The following MTUS2 variants were observed in gnomAD, a reference collection of about 807,000 sequenced individuals.
MTUS2 encodes microtubule associated scaffold protein 2.
A neutral mutation model predicts 114.1 loss-of-function variants in MTUS2; 40 were observed. The ratio of observed to expected loss-of-function variants is 0.35; its 90% CI spans 0.27 to 0.46. The LOEUF is 0.46. Ranked by LOEUF, MTUS2 falls within the 20% of genes least tolerant of loss-of-function variation. The pLI, the probability that MTUS2 is intolerant of heterozygous loss-of-function variation, is 1.00. For synonymous variants in MTUS2, 688 were observed against 672.0 expected, an observed-to-expected ratio of 1.02 and a Z score of -0.37; for missense variants, 1,679 against 1,705.4, an observed-to-expected ratio of 0.98 and a Z score of 0.27.
intron 2 of MTUS2, among the ~76,000 whole-genome samples, chr13:29,022,465 C>T (rs1886332636): frequency 6.6e-6 from 1 of 152,224 alleles, no homozygotes; most frequent in Non-Finnish European, 1.5e-5. Flanking sequence ...GTTGGGATTA[C>T]AGGTGTGAGC....
chr13:29,336,336 C>T (rs1901061685), intron 7 of MTUS2, among the ~76,000 whole-genome samples: 1 of 152,166 alleles, frequency 6.6e-6, no homozygotes, highest in Admixed American at 6.5e-5. Context: ...GTGTGGACGT[C>T]CTTTTTGTTG....
intron 2 of MTUS2, among the ~76,000 whole-genome samples, chr13:28,847,970 C>T (rs1217443952): frequency 6.6e-6 from 1 of 152,184 alleles, no homozygotes; most frequent in Admixed American, 6.5e-5. Flanking sequence ...CAGGCTCAGC[C>T]CTCCTGTCAT....
rs1879924679 is a variant in MTUS2, at chr13:29,466,874, C to T, written c.3185-13276C>T. Among the ~76,000 whole-genome samples, 7 of 80,902 alleles carry T rather than the reference C, an allele frequency of 8.7e-5. No homozygotes were observed. The South Asian group carries it at 3.9e-3, about 45-fold the overall frequency. The allele number at this position is 80,902 out of a possible 152,430, so 53.1% of individuals were successfully genotyped here. ...CCTCAGTGACAAAGTGAGACCTCAT[C>T]TCAAAAAAAAAAAAAAAAAAAAGAA... On this transcript the variant is annotated intron_variant, in intron 9 of 15. Coordinates refer to ENST00000612955, the MANE Select transcript of MTUS2 (RefSeq NM_001033602.4).
At chr13:29,128,678 T>G (rs977380077) in intron 5 of MTUS2, among the ~76,000 whole-genome samples, 1 of 152,204 alleles carries the variant, frequency 6.6e-6, no homozygotes, top group Admixed American at 6.5e-5. Context: ...TTTTAGTTTT[T>G]TTCTTTATCT....
chr13:28,887,799 C>T (rs1424342681), intron 2 of MTUS2, among the ~76,000 whole-genome samples: 1 of 152,118 alleles, frequency 6.6e-6, no homozygotes, highest in Non-Finnish European at 1.5e-5. Context: ...TCATCTCTTC[C>T]CTTGATCTCA....
intron 9 of MTUS2, among the ~76,000 whole-genome samples, chr13:29,470,782 C>T (rs1252917642): frequency 6.6e-6 from 1 of 152,158 alleles, no homozygotes; most frequent in Admixed American, 6.5e-5. Flanking sequence ...GCACTCAGGC[C>T]CCACTGGTTG....
intron 5 of MTUS2, among the ~76,000 whole-genome samples, chr13:29,231,082 C>CAGTTCA (rs1368250852): frequency 6.6e-6 from 1 of 152,206 alleles, no homozygotes; most frequent in Non-Finnish European, 1.5e-5. Flanking sequence ...AAGCCCCAAG[C>CAGTTCA]AGTTCAAACC....
chr13:28,896,881 C>T (rs1478304860), intron 2 of MTUS2, among the ~76,000 whole-genome samples: 1 of 152,204 alleles, frequency 6.6e-6, no homozygotes, highest in East Asian at 1.9e-4. Context: ...CCCTTCCTTA[C>T]ACCTTATACA....
intron 5 of MTUS2, among the ~76,000 whole-genome samples, chr13:29,121,655 CACTTTTTT>C: frequency 6.7e-6 from 1 of 149,080 alleles, no homozygotes; most frequent in South Asian, 2.1e-4. Flanking sequence ...TTCACTTTTT[CACTTTTTT>C]TTTTTTTTTT....
At position 29,088,808 on chromosome 13, in the gene MTUS2, T is replaced by A. The variant is rs1889812878; in HGVS notation, c.2447-11965T>A. Among the ~76,000 whole-genome samples the A allele has an allele frequency of 3.9e-5, 6 of 152,210 alleles. No individual in the cohort carries two copies. The South Asian group carries it at 1.2e-3, about 32-fold the overall frequency. ...CAACCCCTGTTCTTTTTGTTTTCTG[T>A]TTGTTTCATACATTTTTCTCCATCT... On this transcript the variant is annotated intron_variant, in intron 4 of 15. Transcript: ENST00000612955.
chr13:28,906,465 C>T (rs1023984434), intron 2 of MTUS2, among the ~76,000 whole-genome samples: 2 of 151,178 alleles, frequency 1.3e-5, no homozygotes. Flanking sequence ...TCTTTGTTCT[C>T]GTTAGTTTCA....
At chr13:29,446,633 C>A (rs1252689203) in intron 9 of MTUS2, among the ~76,000 whole-genome samples, 1 of 152,124 alleles carries the variant, frequency 6.6e-6, no homozygotes, top group Non-Finnish European at 1.5e-5. Context: ...GGAATATATT[C>A]TCAAAAGCAC....
At chr13:29,261,405 A>G (rs906188176) in intron 5 of MTUS2, among the ~76,000 whole-genome samples, 4 of 152,230 alleles carry the variant, frequency 2.6e-5, no homozygotes, top group South Asian at 2.1e-4. Flanking sequence ...CCCCTTTTCA[A>G]CATTTGACTT....
chr13:29,044,107 T>C (rs1417810705), intron 4 of MTUS2, among the ~76,000 whole-genome samples: 2 of 152,144 alleles, frequency 1.3e-5, no homozygotes, highest in East Asian at 3.8e-4. Context: ...CTTTTTCTTC[T>C]GCCTGAAGGA....
intron 4 of MTUS2, among the ~76,000 whole-genome samples, chr13:29,043,786 T>TAAC (rs5802503): frequency 6.6e-6 from 1 of 151,686 alleles, no homozygotes. Flanking sequence ...TAAAGTCTGA[T>TAAC]AGACTTTATA....
chr13:29,485,951 T>A (rs1881586038), intron 10 of MTUS2, among the ~76,000 whole-genome samples: 1 of 152,196 alleles, frequency 6.6e-6, no homozygotes, highest in Non-Finnish European at 1.5e-5. Flanking sequence ...AGCGGGGGCC[T>A]GTGTTTTTAC....
At chr13:29,391,988 G>T (rs1364258205) in intron 8 of MTUS2, among the ~76,000 whole-genome samples, 2 of 151,842 alleles carry the variant, frequency 1.3e-5, no homozygotes, top group East Asian at 1.9e-4. Flanking sequence ...AATTAGCCAG[G>T]TGTGGTGGCA....
At chr13:29,032,925 TTTA>T (rs1429804492) in intron 3 of MTUS2, among the ~76,000 whole-genome samples, 1 of 152,180 alleles carries the variant, frequency 6.6e-6, no homozygotes, top group Non-Finnish European at 1.5e-5. Context: ...AAAGGAATAG[TTTA>T]TTTAGTTCTC....
intron 2 of MTUS2, among the ~76,000 whole-genome samples, chr13:28,983,540 A>C (rs143295641): frequency 1.7e-3 from 259 of 152,378 alleles, no homozygotes; most frequent in African/African-American, 6.0e-3. Flanking sequence ...TGTATTATTA[A>C]AATTAATCTC....
Sources: gnomAD v4.1 joint callset for allele counts (sites outside exome capture counted in the v4.1 genomes callset) on GRCh38, gnomAD v4.1.1 for gene constraint, MANE v1.5 for transcripts, NCBI Gene and HGNC (gene_info 2026-07-23, HGNC 2026-07-21) for gene names.